Variants in CCDC141 observed in about 807,000 individuals in gnomAD.
CCDC141 encodes the protein coiled-coil domain-containing protein 141.
CCDC141 carries 168 observed loss-of-function variants against 181.0 expected under a neutral mutation model. The ratio of observed to expected loss-of-function variants is 0.93; its 90% CI spans 0.82 to 1.05. CCDC141 has a LOEUF of 1.05. CCDC141 is among the 50% of genes least tolerant of loss of function. The probability of loss-of-function intolerance (pLI) is 0.00; values close to 1 mark genes in which losing one functional copy is unlikely to be tolerated. For missense variants in CCDC141, 1,902 were observed against 1,788.5 expected, an observed-to-expected ratio of 1.06 and a Z score of -1.14; for synonymous variants, 666 against 642.3, an observed-to-expected ratio of 1.04 and a Z score of -0.56.
chr2:178,983,659 G>A (rs899521914), intron 2 of CCDC141, among the ~76,000 whole-genome samples: 6 of 150,374 alleles, frequency 4.0e-5, no homozygotes, highest in South Asian at 2.1e-4. Flanking sequence ...CGAGAACTAC[G>A]TGAAGAATGC....
In CCDC141 at chr2:178,869,240, A is replaced by T; in HGVS notation, c.2271T>A (p.Pro757=). The change falls in exon 15 of 24, where the codon CCT becomes CCA. Residue 757 remains proline (P), a synonymous_variant. Transcript: ENST00000443758. ...ESEELTGRGA[P]VKEKSQQLKD... ...TCAGTTGTTGAGACTTTTCTTTTAC[A>T]GGGGCTCCTCTGCCAGTTAACTCCT... The T allele has an allele frequency of 6.2e-7, 1 of 1,613,664 alleles. No homozygotes were observed. The highest frequency in any genetic ancestry group is 1.1e-5 in the South Asian group (1 of 91,036).
chr2:178,839,016 C>A (rs892927649), intron 22 of CCDC141, among the ~76,000 whole-genome samples: 7 of 152,168 alleles, frequency 4.6e-5, no homozygotes, highest in African/African-American at 1.7e-4. Flanking sequence ...TGGTTTTTGT[C>A]CTGCAGTAAC....
At chr2:179,041,167 G>A (rs535839667) in intron 2 of CCDC141, among the ~76,000 whole-genome samples, 2 of 152,102 alleles carry the variant, frequency 1.3e-5, no homozygotes, top group Admixed American at 1.3e-4. Flanking sequence ...CGCCTCCTGG[G>A]TTCACGCCAT....
At chr2:178,857,200 A>G (rs571505790) in intron 17 of CCDC141, among the ~76,000 whole-genome samples, 35 of 152,286 alleles carry the variant, frequency 2.3e-4, no homozygotes, top group Admixed American at 1.9e-3. Flanking sequence ...GCCATCATGT[A>G]TACATTTATT....
the CCDC141 span, among the ~76,000 whole-genome samples, chr2:178,821,794 CT>C: frequency 6.6e-6 from 1 of 152,186 alleles, no homozygotes; most frequent in Non-Finnish European, 1.5e-5. Context: ...AATAGGAACA[CT>C]TTTACACTGT....
intron 4 of CCDC141, among the ~76,000 whole-genome samples, chr2:178,966,142 A>G (rs551740627): frequency 7.0e-4 from 106 of 152,324 alleles, no homozygotes; most frequent in African/African-American, 2.3e-3. Context: ...TAAAACTCCC[A>G]TCTCCCTGGG....
At position 178,829,915 on chromosome 2, in the gene CCDC141, A is replaced by G. The variant is rs1351060485; in HGVS notation, c.*4258T>C. Reference sequence around the variant, plus strand: ...AACATAAAGCAGAACAAAATAAGATATTCTTTCCTTTCTTCATTTGGAATT... The same window carrying G: ...AACATAAAGCAGAACAAAATAAGATGTTCTTTCCTTTCTTCATTTGGAATT... On this transcript the variant is annotated 3_prime_UTR_variant, in exon 24 of 24. Coordinates refer to ENST00000443758, the MANE Select transcript of CCDC141 (RefSeq NM_173648.4). The G allele has an allele frequency of 6.6e-6, 1 of 152,224 alleles. No homozygotes were observed. Among genetic ancestry groups the G allele is most frequent in the Non-Finnish European group, 1.5e-5 (1 of 68,028 alleles). The allele number at this position is 152,224 out of a possible 1,614,324, so 9.4% of individuals were successfully genotyped here.
At chr2:179,047,523 A>G in intron 1 of CCDC141, 117 bp from the exon 2 acceptor site, 5 of 910,966 alleles carry the variant, frequency 5.5e-6, no homozygotes, top group African/African-American at 1.7e-5. Flanking sequence ...ACTTTTTTCT[A>G]TTTTCTATTT....
At chr2:178,921,158 G>A (rs546901678) in intron 6 of CCDC141, among the ~76,000 whole-genome samples, 5 of 152,316 alleles carry the variant, frequency 3.3e-5, no homozygotes, top group South Asian at 2.1e-4. Flanking sequence ...TATGGGCTAC[G>A]TGAGTTCTCA....
chr2:179,027,631 T>C (rs1466145865), intron 2 of CCDC141, among the ~76,000 whole-genome samples: 1 of 98,978 alleles, frequency 1.0e-5, no homozygotes, highest in African/African-American at 4.1e-5. Flanking sequence ...GGCAACAGAG[T>C]GAGACTCTTA....
intron 4 of CCDC141, among the ~76,000 whole-genome samples, chr2:178,963,793 A>G (rs1160491201): frequency 1.3e-5 from 2 of 152,212 alleles, no homozygotes; most frequent in Non-Finnish European, 2.9e-5. Flanking sequence ...AATATTAGCT[A>G]GTAGTATCTG....
intron 5 of CCDC141, among the ~76,000 whole-genome samples, chr2:178,955,587 AC>A (rs201951134): frequency 0.01 from 1,553 of 152,306 alleles, 33 homozygotes; most frequent in African/African-American, 0.036. Context: ...TAACAAAAAA[AC>A]AGGTTATAAT....
chr2:178,884,239 G>GA (rs59431193), intron 11 of CCDC141, among the ~76,000 whole-genome samples: 31,977 of 113,460 alleles, frequency 0.28, 3,884 homozygotes, highest in Admixed American at 0.37. Context: ...ATAATGTGAA[G>GA]AAAAAAAAAA....
At chr2:178,888,465 T>C in intron 9 of CCDC141, 62 bp downstream of exon 9, 3 of 1,472,780 alleles carry the variant, frequency 2.0e-6, no homozygotes, top group Non-Finnish European at 1.9e-6. Flanking sequence ...GCCCACATAC[T>C]GCCCTACCAT....
intron 2 of CCDC141, among the ~76,000 whole-genome samples, chr2:179,015,072 A>ATATG (rs1408432407): frequency 7.7e-5 from 2 of 25,842 alleles, no homozygotes; most frequent in African/African-American, 2.5e-4. Flanking sequence ...ACAGAGATAT[A>ATATG]TATATATATA....
Position 178,965,317 on chromosome 2 carries a change from C to T in CCDC141, c.527-3834G>A, listed in dbSNP as rs183675528. The stretch of plus-strand genomic sequence containing the variant: ...CTAGCTAGGTTTAAGATACAAAAAA[C>T]ATCCACGATTGCTGGCAAGATAGCT... On this transcript the variant is annotated intron_variant, in intron 4 of 23. Transcript: ENST00000443758. Among the ~76,000 whole-genome samples, 275 of 152,314 alleles carry T rather than the reference C, an allele frequency of 1.8e-3. 1 individual carries two copies. Among genetic ancestry groups the T allele is most frequent in the Non-Finnish European group, 4.6e-4 (31 of 68,024 alleles).
intron 12 of CCDC141, chr2:178,876,761 T>C (rs1169615056): frequency 6.6e-6 from 1 of 152,134 alleles, no homozygotes; most frequent in African/African-American, 2.4e-5. Flanking sequence ...AGATGGCTAA[T>C]ATACTAGGTA....
chr2:178,839,600 AAAAAAAAT>A lies in CCDC141; in HGVS notation c.3475-1864_3475-1857del, dbSNP rs1274473010. On this transcript the variant is annotated intron_variant, in intron 22 of 23. Transcript: ENST00000443758. ...CGTCTCCAAAAAAAAAAAAAAAAAA[AAAAAAAAT>A]GTGTTTTCAGGTTGAAGAGTCGAAG... 1.1e-3 allele frequency among the ~76,000 whole-genome samples: 170 copies of A among 150,270 alleles called. 5 individuals are homozygous for A. Among genetic ancestry groups the A allele is most frequent in the African/African-American group, 3.9e-3 (159 of 40,782 alleles).
At chr2:178,848,246 A>G (rs1561631891) in intron 21 of CCDC141, among the ~76,000 whole-genome samples, 1 of 152,224 alleles carries the variant, frequency 6.6e-6, no homozygotes, top group Non-Finnish European at 1.5e-5. Flanking sequence ...GGAGCATAGT[A>G]GATCAGTGGG....
Sources: gnomAD v4.1 joint callset for allele counts (sites outside exome capture counted in the v4.1 genomes callset) on GRCh38, gnomAD v4.1.1 for gene constraint, MANE v1.5 for transcripts, NCBI Gene and HGNC (gene_info 2026-07-23, HGNC 2026-07-21) for gene names.